Variants in DNAJC13 observed in about 807,000 individuals in gnomAD.
The protein encoded by DNAJC13 is DnaJ heat shock protein family (Hsp40) member C13.
Under a neutral mutation model 290.5 loss-of-function variants are expected in DNAJC13, and 75 were observed. The observed-to-expected ratio is 0.26, with a 90% confidence interval of 0.21 to 0.31. The LOEUF is 0.31. Among genes scored for constraint, DNAJC13 ranks in the 10% least tolerant of loss-of-function variants. DNAJC13 has a pLI of 1.00. For synonymous variants in DNAJC13, 862 were observed against 892.0 expected (o/e 0.97, Z 0.60); for missense variants, 2,260 against 2,674.5 (o/e 0.85, Z 3.42).
chr3:132,511,356 T>A, intron 44 of DNAJC13, 112 bp downstream of exon 44: 3 of 1,230,386 alleles, frequency 2.4e-6, no homozygotes, highest in Non-Finnish European at 3.4e-6. Flanking sequence ...GGTTATAATG[T>A]ATTAATATAA....
chr3:132,449,494 A>G (rs1933357159), intron 5 of DNAJC13, among the ~76,000 whole-genome samples: 1 of 152,128 alleles, frequency 6.6e-6, no homozygotes. Flanking sequence ...GTTCAGAATC[A>G]AGGTTCTGTA....
chr3:132,502,212 C>T, intron 39 of DNAJC13, 77 bp from the exon 40 acceptor site: 1 of 1,347,380 alleles, frequency 7.4e-7, no homozygotes, highest in Non-Finnish European at 9.9e-7. Flanking sequence ...CATACATGCA[C>T]AACCAGTTCC....
chr3:132,450,869 A>G, intron 6 of DNAJC13, 22 bp downstream of exon 6: 1 of 1,417,576 alleles, frequency 7.1e-7, no homozygotes, highest in African/African-American at 1.4e-5. Context: ...TTTAAAAAAA[A>G]AAAACACTTT....
intron 12 of DNAJC13, 142 bp from the exon 13 acceptor site, chr3:132,457,127 G>A (rs1933629031): frequency 2.8e-6 from 2 of 708,836 alleles, no homozygotes; most frequent in Non-Finnish European, 4.5e-6. Context: ...CTATTATGAA[G>A]ACTGATAAAT....
At chr3:132,509,839 C>G (rs1266262632) in intron 43 of DNAJC13, among the ~76,000 whole-genome samples, 2 of 152,108 alleles carry the variant, frequency 1.3e-5, no homozygotes, top group African/African-American at 2.4e-5. Flanking sequence ...CTATTGTACA[C>G]TTAATAGACC....
intron 2 of DNAJC13, among the ~76,000 whole-genome samples, chr3:132,435,803 C>T (rs191345354): frequency 1.3e-5 from 2 of 152,164 alleles, no homozygotes; most frequent in East Asian, 3.9e-4. Flanking sequence ...ATATGACTTC[C>T]GTTTTTAATA....
intron 2 of DNAJC13, among the ~76,000 whole-genome samples, 155 bp downstream of exon 2, chr3:132,434,773 T>C (rs1379111997): frequency 6.6e-6 from 1 of 151,656 alleles, no homozygotes; most frequent in East Asian, 1.9e-4. Flanking sequence ...GCTACATGTA[T>C]TTTTTTTTCT....
chr3:132,515,861 T>C (rs1255349238), intron 46 of DNAJC13, among the ~76,000 whole-genome samples: 1 of 152,208 alleles, frequency 6.6e-6, no homozygotes, highest in African/African-American at 2.4e-5. Context: ...CTTTATTCCT[T>C]TGGCAACCTG....
At chr3:132,528,371 C>T (rs1936322684) in intron 54 of DNAJC13, 39 bp downstream of exon 54, 9 of 1,610,692 alleles carry the variant, frequency 5.6e-6, no homozygotes, top group Non-Finnish European at 7.6e-6. Flanking sequence ...ATTCTAAAAG[C>T]CAGGGTCTTG....
intron 8 of DNAJC13, among the ~76,000 whole-genome samples, 163 bp downstream of exon 8, chr3:132,453,857 T>C (rs1169834674): frequency 6.6e-6 from 1 of 152,204 alleles, no homozygotes; most frequent in Non-Finnish European, 1.5e-5. Flanking sequence ...AGAACAATGA[T>C]TATTACAAAA....
At chr3:132,525,580 A>G in intron 51 of DNAJC13, 30 bp from the exon 52 acceptor site, 1 of 1,607,138 alleles carries the variant, frequency 6.2e-7, no homozygotes, top group Non-Finnish European at 8.5e-7. Context: ...AGTATTTTAT[A>G]GTTGATTTAT....
rs1362970098 is a variant in DNAJC13, at chr3:132,456,503, G to A, written c.1102G>A (p.Gly368Ser). 1.2e-6 allele frequency: 2 copies of A among 1,613,626 alleles called. No homozygotes were observed. Among genetic ancestry groups the A allele is most frequent in the African/African-American group, 1.3e-5 (1 of 74,980 alleles). The change falls in exon 11 of 56, where the codon GGC becomes AGC. Residue 368 changes from glycine to serine, a missense_variant and splice_region_variant. Gly to Ser is a moderately conservative substitution (Grantham distance 56). Transcript: ENST00000260818. ...HLRFLATPPN[G>S]NFADAVFRFN... Reference sequence around the variant, plus strand: ...TGAACCTCTTAATCTCTTTACAGATGGCAACTTTGCAGATGCTGTATTCAG... The same window carrying A: ...TGAACCTCTTAATCTCTTTACAGATAGCAACTTTGCAGATGCTGTATTCAG...
chr3:132,520,016 A>C (rs1218220944), intron 48 of DNAJC13, among the ~76,000 whole-genome samples: 1 of 152,176 alleles, frequency 6.6e-6, no homozygotes, highest in African/African-American at 2.4e-5. Flanking sequence ...CTTGAGACTT[A>C]CTATCACGAG....
intron 48 of DNAJC13, among the ~76,000 whole-genome samples, chr3:132,517,153 A>C (rs1935945100): frequency 6.6e-6 from 1 of 152,224 alleles, no homozygotes; most frequent in Non-Finnish European, 1.5e-5. Context: ...TGTGGAAATA[A>C]CTAGTGAAGG....
At chr3:132,450,152 CTT>C (rs915154915) in intron 5 of DNAJC13, among the ~76,000 whole-genome samples, 3 of 143,586 alleles carry the variant, frequency 2.1e-5, no homozygotes. Context: ...CAGGCCTCAG[CTT>C]TTTTTTTTTG....
intron 46 of DNAJC13, chr3:132,514,906 G>GA: frequency 8.1e-6 from 1 of 124,032 alleles, no homozygotes; most frequent in Non-Finnish European, 1.4e-5. Context: ...AAATAACCTG[G>GA]GATTTTCAGT....
At chr3:132,451,757 G>A (rs928993502) in intron 6 of DNAJC13, among the ~76,000 whole-genome samples, 4 of 152,170 alleles carry the variant, frequency 2.6e-5, no homozygotes, top group African/African-American at 4.8e-5. Flanking sequence ...CAAAGCAAGC[G>A]TTGAACTTTT....
chr3:132,492,184 A>G (rs1935076057), intron 32 of DNAJC13, among the ~76,000 whole-genome samples: 1 of 152,126 alleles, frequency 6.6e-6, no homozygotes, highest in African/African-American at 2.4e-5. Flanking sequence ...GACTGGGATT[A>G]TCAGCCCTTT....
At chr3:132,421,984 C>T (rs1049151424) in intron 1 of DNAJC13, among the ~76,000 whole-genome samples, 1 of 151,778 alleles carries the variant, frequency 6.6e-6, no homozygotes, top group African/African-American at 2.4e-5. Context: ...AGGTTTTTGC[C>T]TACATGACTA....
Sources: gnomAD v4.1 joint callset for allele counts (sites outside exome capture counted in the v4.1 genomes callset) on GRCh38, gnomAD v4.1.1 for gene constraint, MANE v1.5 for transcripts, NCBI Gene and HGNC (gene_info 2026-07-23, HGNC 2026-07-21) for gene names.